APBA2: variants seen among roughly 807,000 people sequenced by gnomAD.
APBA2 encodes the protein amyloid beta precursor protein binding family A member 2.
Under a neutral mutation model 75.0 loss-of-function variants are expected in APBA2, and 30 were observed. The ratio of observed to expected loss-of-function variants is 0.40; its 90% CI spans 0.30 to 0.54. The LOEUF (loss-of-function observed/expected upper bound fraction) is 0.54, where lower values mean the gene tolerates loss of function less well. APBA2 is among the 20% of genes least tolerant of loss of function. The probability of loss-of-function intolerance (pLI) is 0.49; values close to 1 mark genes in which losing one functional copy is unlikely to be tolerated. For missense variants in APBA2, 801 were observed against 1,016.1 expected (o/e 0.79, Z 2.88); for synonymous variants, 444 against 409.6 (o/e 1.08, Z -1.01).
Position 29,054,222 on chromosome 15 carries a change from G to A in APBA2, c.338G>A (p.Gly113Asp). Reference sequence around the variant, plus strand: ...CCTGAGGACGACAGCTACCTAGAGGGCATGGACTGCAACGGGGAGGAGTAC... The same window carrying A: ...CCTGAGGACGACAGCTACCTAGAGGACATGGACTGCAACGGGGAGGAGTAC... ...YCPEDDSYLE[G>D]MDCNGEEYLA... The change falls in exon 4 of 15, where the codon GGC becomes GAC. Residue 113 changes from glycine (G) to aspartate (D), a missense_variant. Transcript: ENST00000683413. The surrounding 1 kb of genome is among the most constrained non-coding windows in gnomAD (Gnocchi z 6.1). The A allele has an allele frequency of 1.2e-6, 2 of 1,614,148 alleles. No individual in the cohort carries two copies. The highest frequency in any genetic ancestry group is 1.7e-6 in the Non-Finnish European group (2 of 1,180,024).
At chr15:29,076,972 T>G (rs76642446) in intron 6 of APBA2, among the ~76,000 whole-genome samples, 2,036 of 152,272 alleles carry the variant, frequency 0.013, 46 homozygotes, top group Non-Finnish European at 0.015. Context: ...TCCAATTGGT[T>G]GAAACTGGAT....
intron 11 of APBA2, 62 bp downstream of exon 11, chr15:29,105,620 T>C (rs2044363135): frequency 1.9e-6 from 3 of 1,588,104 alleles, no homozygotes; most frequent in Admixed American, 1.7e-5. Flanking sequence ...CCTGAGCTCC[T>C]GCAGAGCGAG....
chr15:29,117,115 G>T lies in APBA2; in HGVS notation c.2232G>T (p.Glu744Asp). 6.2e-7 allele frequency: 1 copy of T among 1,613,262 alleles called. No homozygotes were observed. The highest frequency in any genetic ancestry group is 8.5e-7 in the Non-Finnish European group (1 of 1,179,988). ...AAMFRLLTGQ[E>D]TPLYI Reference sequence around the variant, plus strand: ...TGTTCAGGCTCCTCACGGGTCAGGAGACCCCGCTGTACATCTAGGCCACCC... The same window carrying T: ...TGTTCAGGCTCCTCACGGGTCAGGATACCCCGCTGTACATCTAGGCCACCC... Residue 744 changes from glutamate to aspartate, a missense_variant, in exon 15 of 15, where the codon GAG becomes GAT. Transcript: ENST00000683413.
chr15:28,969,009 C>G (rs2036888756), intron 2 of APBA2, among the ~76,000 whole-genome samples: 2 of 151,978 alleles, frequency 1.3e-5, no homozygotes, highest in Admixed American at 1.3e-4. Flanking sequence ...AGTGGCTCAC[C>G]CCTGTAATGC....
chr15:29,045,069 T>TCTC (rs2041238928), intron 3 of APBA2, among the ~76,000 whole-genome samples: 3 of 82,860 alleles, frequency 3.6e-5, no homozygotes, highest in Admixed American at 1.2e-4. Flanking sequence ...CCCTCCCTCC[T>TCTC]TCTCTCTCTC....
intron 2 of APBA2, among the ~76,000 whole-genome samples, chr15:28,976,787 T>G (rs2037358909): frequency 6.6e-6 from 1 of 152,234 alleles, no homozygotes; most frequent in Admixed American, 6.5e-5. Flanking sequence ...TTACCTTTCT[T>G]ATTCTGCCTT....
chr15:29,002,355 A>G lies in APBA2; in HGVS notation c.-41+6549A>G, dbSNP rs79713913. On this transcript the variant is annotated intron_variant, in intron 3 of 14. Transcript: ENST00000683413. ...GCATACTGCAAAGAATTGCATTTCC[A>G]TACAGTCTAGGGCTGCTGTGAACTA... 9.2e-4 allele frequency among the ~76,000 whole-genome samples: 140 copies of G among 152,306 alleles called. 2 individuals are homozygous for G. In the East Asian group the frequency reaches 0.016, roughly 18 times the overall value.
At chr15:29,106,479 A>G in intron 11 of APBA2, 128 bp from the exon 12 acceptor site, 1 of 1,075,388 alleles carries the variant, frequency 9.3e-7, no homozygotes, top group Non-Finnish European at 1.4e-6. Context: ...GGCTGAGATG[A>G]GCCAGCCTTG....
chr15:28,906,717 AT>A (rs1181935781), intron 1 of APBA2, among the ~76,000 whole-genome samples: 4 of 152,202 alleles, frequency 2.6e-5, no homozygotes, highest in African/African-American at 4.8e-5. Flanking sequence ...GTGATAGCTT[AT>A]TTCATTTTGT....
At chr15:28,921,290 A>G (rs2033956840) in intron 1 of APBA2, among the ~76,000 whole-genome samples, 1 of 152,184 alleles carries the variant, frequency 6.6e-6, no homozygotes, top group Non-Finnish European at 1.5e-5. Flanking sequence ...AAATCTTCCT[A>G]CATTGAAAAA....
At chr15:29,088,903 C>G (rs1460598824) in intron 6 of APBA2, among the ~76,000 whole-genome samples, 4 of 152,218 alleles carry the variant, frequency 2.6e-5, no homozygotes, top group Non-Finnish European at 4.4e-5. Context: ...GTGTCATTGT[C>G]TCTGCACCCT....
At chr15:29,095,992 G>A (rs1265204125) in intron 8 of APBA2, among the ~76,000 whole-genome samples, 2 of 152,230 alleles carry the variant, frequency 1.3e-5, no homozygotes, top group Admixed American at 6.5e-5. Flanking sequence ...CTACAGAGTC[G>A]CTGCCGCCTT....
chr15:29,098,855 C>T (rs1161891394), intron 9 of APBA2, among the ~76,000 whole-genome samples: 1 of 152,172 alleles, frequency 6.6e-6, no homozygotes, highest in African/African-American at 2.4e-5. Flanking sequence ...GTAGCCTGAC[C>T]TCTGGGGACA....
intron 2 of APBA2, among the ~76,000 whole-genome samples, chr15:28,966,795 A>G (rs2036763162): frequency 6.6e-6 from 1 of 151,486 alleles, no homozygotes; most frequent in Admixed American, 6.6e-5. Context: ...AGAGTCCCAC[A>G]TTTCCTTATT....
chr15:29,016,606 G>T (rs1213346286), intron 3 of APBA2, among the ~76,000 whole-genome samples: 1 of 152,176 alleles, frequency 6.6e-6, no homozygotes, highest in East Asian at 1.9e-4. Flanking sequence ...AGAGCCAGGG[G>T]AAAACTGGGA....
chr15:28,998,972 C>A (rs1422624775), intron 3 of APBA2, among the ~76,000 whole-genome samples: 1 of 152,078 alleles, frequency 6.6e-6, no homozygotes, highest in East Asian at 1.9e-4. Context: ...CATGGCAAAA[C>A]CCCATCTCTA....
chr15:29,100,101 G>C (rs576493347), intron 9 of APBA2, among the ~76,000 whole-genome samples: 3 of 152,258 alleles, frequency 2.0e-5, no homozygotes, highest in African/African-American at 7.2e-5. Flanking sequence ...CAGAGCAGGA[G>C]AGCAGATGCG....
chr15:28,950,584 G>A (rs371284260), intron 2 of APBA2, among the ~76,000 whole-genome samples: 4 of 150,232 alleles, frequency 2.7e-5, no homozygotes, highest in Admixed American at 6.6e-5. Context: ...CTGAGATCAC[G>A]CCACTGCACT....
intron 2 of APBA2, among the ~76,000 whole-genome samples, chr15:28,944,917 G>A (rs540850930): frequency 1.3e-5 from 2 of 152,346 alleles, no homozygotes; most frequent in South Asian, 4.1e-4. Context: ...TGGAGTGGAA[G>A]CTGCTAGAAG....
Sources: gnomAD v4.1 joint callset for allele counts (sites outside exome capture counted in the v4.1 genomes callset) on GRCh38, gnomAD v4.1.1 for gene constraint, Gnocchi (gnomAD v3.1) non-coding constraint, MANE v1.5 for transcripts, NCBI Gene and HGNC (gene_info 2026-07-23, HGNC 2026-07-21) for gene names.